ASZ1: variants seen among roughly 807,000 people sequenced by gnomAD.
ASZ1 encodes the protein ankyrin repeat, SAM and basic leucine zipper domain-containing protein 1.
In ASZ1, 67 loss-of-function variants were observed where a neutral mutation model predicts 61.8. The ratio of observed to expected loss-of-function variants is 1.08; its 90% CI spans 0.89 to 1.33. ASZ1 has a LOEUF of 1.33. ASZ1 is among the 40% of genes most tolerant of loss of function. ASZ1 has a pLI of 0.00. For missense variants in ASZ1, 577 were observed against 554.5 expected (o/e 1.04, Z -0.41); for synonymous variants, 193 against 192.7 (o/e 1.00, Z -0.01).
chr7:117,379,761 T>C (rs114110996), intron 10 of ASZ1, among the ~76,000 whole-genome samples, 177 bp downstream of exon 10: 1,820 of 152,000 alleles, frequency 0.012, 27 homozygotes, highest in African/African-American at 0.041. Context: ...TAAATGACTT[T>C]ATAAAAATTG....
At chr7:117,411,525 G>C (rs1194957894) in intron 4 of ASZ1, among the ~76,000 whole-genome samples, 1 of 151,780 alleles carries the variant, frequency 6.6e-6, no homozygotes, top group Non-Finnish European at 1.5e-5. Context: ...CTTTCACATG[G>C]TCTACAAATG....
At chr7:117,413,189 T>C (rs1362468244) in intron 4 of ASZ1, among the ~76,000 whole-genome samples, 3 of 151,888 alleles carry the variant, frequency 2.0e-5, no homozygotes, top group Non-Finnish European at 2.9e-5. Context: ...TGTGAAAACA[T>C]CCTAAATATA....
chr7:117,381,764 C>T (rs761222685), intron 8 of ASZ1, among the ~76,000 whole-genome samples: 7 of 152,082 alleles, frequency 4.6e-5, no homozygotes, highest in Admixed American at 3.9e-4. Flanking sequence ...TTTAAAATCA[C>T]GCTCTTCCAA....
chr7:117,383,102 G>A lies in ASZ1; in HGVS notation c.696C>T (p.Asn232=), dbSNP rs1796286033. 1.9e-6 allele frequency: 3 copies of A among 1,554,002 alleles called. No individual in the cohort carries two copies. The highest frequency in any genetic ancestry group is 1.7e-4 in the Middle Eastern group (1 of 5,816). The change falls in exon 7 of 13, where the codon AAC becomes AAT. Residue 232 remains asparagine, a synonymous_variant. Coordinates refer to ENST00000284629, the MANE Select transcript of ASZ1 (RefSeq NM_130768.3). Reference sequence around the variant, plus strand: ...ATGGATTTAAAGTAAAAGAAAGTAAGTTGAAGATCTGAAAAAAGTTAACAT... The same window carrying A: ...ATGGATTTAAAGTAAAAGAAAGTAAATTGAAGATCTGAAAAAAGTTAACAT... ...AKRNKHHEIF[N]LLSFTLNPLE...
chr7:117,396,786 T>A (rs1796582580), intron 4 of ASZ1, among the ~76,000 whole-genome samples: 1 of 152,152 alleles, frequency 6.6e-6, no homozygotes, highest in Non-Finnish European at 1.5e-5. Context: ...GTTTGCTTTA[T>A]AAACAAGAAA....
chr7:117,381,086 A>G lies in ASZ1; in HGVS notation c.889-19T>C. The G allele has an allele frequency of 1.3e-6, 2 of 1,533,634 alleles. No individual in the cohort carries two copies. The highest frequency in any genetic ancestry group is 1.2e-5 in the South Asian group (1 of 82,120). The stretch of plus-strand genomic sequence containing the variant: ...CCCTTTCCTGTATAAAAGGAAAAAA[A>G]GGCCACCTTTCCATATAATTAAAAT... On this transcript the variant is annotated intron_variant, in intron 8 of 12. Transcript: ENST00000284629.
chr7:117,420,246 AC>A lies in ASZ1; in HGVS notation c.356del (p.Cys119PhefsTer11). On this transcript the variant is annotated frameshift_variant, in exon 4 of 13. Coordinates refer to ENST00000284629, the MANE Select transcript of ASZ1 (RefSeq NM_130768.3). LOFTEE classifies it high-confidence loss of function. ...TCTGTTCCTCTGAGCCATGAGCAGA[AC>A]ATGCAGTTATCAAAATACTTTGCTT... is the stretch of plus-strand genomic sequence containing the variant. ...KDKQSILITA[C>X]SAHGSEEQIL... 1 of 1,612,570 alleles carries A rather than the reference AC, an allele frequency of 6.2e-7. No individual in the cohort carries two copies. The highest frequency in any genetic ancestry group is 1.3e-5 in the African/African-American group (1 of 75,038).
intron 12 of ASZ1, among the ~76,000 whole-genome samples, chr7:117,364,443 G>T (rs1413172563): frequency 6.9e-6 from 1 of 145,538 alleles, no homozygotes; most frequent in Non-Finnish European, 1.5e-5. Context: ...GAGAGAGAGA[G>T]AAGGGGGAAG....
Position 117,368,719 on chromosome 7 carries a change from TAAAG to T in ASZ1, c.1056-6_1056-3del. The T allele has an allele frequency of 6.2e-7, 1 of 1,610,438 alleles. No individual in the cohort carries two copies. On this transcript the variant is annotated splice_polypyrimidine_tract_variant and splice_region_variant and intron_variant, in intron 10 of 12. Coordinates refer to ENST00000284629, the MANE Select transcript of ASZ1 (RefSeq NM_130768.3). ...AGAAAGTTGAGGAACTCATCACCAC[TAAAG>T]AAAGGAAACAAACAAACAAGCAGGA... is the stretch of plus-strand genomic sequence containing the variant.
chr7:117,382,210 T>C (rs1796268253), intron 7 of ASZ1, 66 bp from the exon 8 acceptor site: 2 of 958,468 alleles, frequency 2.1e-6, no homozygotes, highest in African/African-American at 1.6e-5. Context: ...TAAATATACA[T>C]TTATATTGCA....
At chr7:117,398,606 T>C (rs1414918634) in intron 4 of ASZ1, among the ~76,000 whole-genome samples, 3 of 152,202 alleles carry the variant, frequency 2.0e-5, no homozygotes, top group African/African-American at 7.2e-5. Context: ...TTGATTCCAA[T>C]TTATCCTCCA....
chr7:117,379,168 T>TATACACAC (rs1161457624), intron 10 of ASZ1, among the ~76,000 whole-genome samples: 40 of 69,714 alleles, frequency 5.7e-4, no homozygotes, highest in Admixed American at 6.7e-4. Flanking sequence ...TATATATATA[T>TATACACAC]ACACACACAC....
intron 4 of ASZ1, 95 bp from the exon 5 acceptor site, chr7:117,385,904 T>C: frequency 1.1e-6 from 1 of 948,080 alleles, no homozygotes; most frequent in African/African-American, 1.7e-5. Context: ...CCAGTACTGC[T>C]TTGAAAACGA....
At chr7:117,416,273 TG>T (rs1796989569) in intron 4 of ASZ1, among the ~76,000 whole-genome samples, 1 of 152,220 alleles carries the variant, frequency 6.6e-6, no homozygotes, top group Non-Finnish European at 1.5e-5. Flanking sequence ...GGTGCTTGTC[TG>T]TTTAGGGACT....
chr7:117,427,252 A>G, intron 1 of ASZ1, 104 bp downstream of exon 1: 1 of 1,279,584 alleles, frequency 7.8e-7, no homozygotes, highest in Non-Finnish European at 1.1e-6. Flanking sequence ...GGTAAAAGGG[A>G]AATACACGTG....
chr7:117,373,284 G>A (rs531686266), intron 10 of ASZ1, among the ~76,000 whole-genome samples: 2 of 152,048 alleles, frequency 1.3e-5, no homozygotes. Flanking sequence ...ATGTTGCCAA[G>A]GCTGGCCTTG....
At chr7:117,389,372 G>A (rs544564326) in intron 4 of ASZ1, among the ~76,000 whole-genome samples, 2 of 152,194 alleles carry the variant, frequency 1.3e-5, no homozygotes, top group Admixed American at 6.5e-5. Flanking sequence ...TTTTAACTGA[G>A]CATCCCAGCC....
intron 4 of ASZ1, among the ~76,000 whole-genome samples, chr7:117,412,049 T>TA (rs1260905280): frequency 6.8e-6 from 1 of 147,830 alleles, no homozygotes; most frequent in Non-Finnish European, 1.5e-5. Flanking sequence ...AGTGTGTGTG[T>TA]GTGTGTGTGT....
chr7:117,377,139 A>T (rs904366135), intron 10 of ASZ1, among the ~76,000 whole-genome samples: 2 of 152,320 alleles, frequency 1.3e-5, no homozygotes, highest in Admixed American at 1.3e-4. Flanking sequence ...GAGAAATACC[A>T]TTGGCAATTG....
Sources: allele counts gnomAD v4.1 joint callset (sites outside exome capture counted in the v4.1 genomes callset), GRCh38; gene constraint gnomAD v4.1.1; transcripts MANE v1.5; gene names NCBI Gene and HGNC (gene_info 2026-07-23, HGNC 2026-07-21).